Variants in ELF4 observed in about 807,000 individuals in gnomAD.
ELF4 encodes the protein E74 like ETS transcription factor 4, also known as ETS-related transcription factor Elf-4.
In ELF4, 10 loss-of-function variants were observed where a neutral mutation model predicts 31.7. The ratio of observed to expected loss-of-function variants is 0.32; its 90% CI spans 0.19 to 0.54. The LOEUF (loss-of-function observed/expected upper bound fraction) is 0.54, where lower values mean the gene tolerates loss of function less well. Among genes scored for constraint, ELF4 ranks in the 20% least tolerant of loss-of-function variants. The pLI, the probability that ELF4 is intolerant of heterozygous loss-of-function variation, is 0.95. For synonymous variants in ELF4, 208 were observed against 226.7 expected, an observed-to-expected ratio of 0.92 and a Z score of 0.74; for missense variants, 418 against 522.0, an observed-to-expected ratio of 0.80 and a Z score of 1.94.
chrX:130,094,577 AAGAG>A (rs201215451), intron 1 of ELF4, among the ~76,000 whole-genome samples: 308 of 107,049 alleles, frequency 2.9e-3, no homozygotes, highest in South Asian at 0.011. Context: ...AAAAAAAAAA[AAGAG>A]AGAGAGAGAG....
chrX:130,101,558 C>G (rs1335562950), intron 1 of ELF4, among the ~76,000 whole-genome samples: 1 of 110,975 alleles, frequency 9.0e-6, no homozygotes, highest in Non-Finnish European at 1.9e-5. Flanking sequence ...TTTGGAAGGC[C>G]GAGGCGGGTG....
Position 130,074,106 on chromosome X carries a change from C to A in ELF4, c.283G>T (p.Ala95Ser). The change falls in exon 4 of 9, where the codon GCG (alanine) becomes TCG (serine). Residue 95 changes from alanine (A) to serine (S), a missense_variant. Coordinates refer to ENST00000308167, the MANE Select transcript of ELF4 (RefSeq NM_001421.4). Reference protein sequence around the residue: ...NEATSHTMSTAEVLLNMESPS... With the variant: ...NEATSHTMSTSEVLLNMESPS... ...GACTCCATATTGAGTAAGACTTCCG[C>A]GGTTGACATGGTGTGCGAGGTGGCC... The A allele has an allele frequency of 8.3e-7, 1 of 1,211,779 alleles. No individual in the cohort carries two copies. The highest frequency in any genetic ancestry group is 3.0e-5 in the East Asian group (1 of 33,851).
chrX:130,080,423 CAAAAAAAA>C (rs3077212), intron 2 of ELF4, among the ~76,000 whole-genome samples: 1 of 56,366 alleles, frequency 1.8e-5, no homozygotes, highest in Admixed American at 2.2e-4. Flanking sequence ...GACTTCGTTT[CAAAAAAAA>C]AAAAAAAAAA....
Position 130,069,453 on chromosome X carries a change from C to G in ELF4, c.1034G>C (p.Ser345Thr), listed in dbSNP as rs141440727. ...SSRSAPQGKG[S>T]SSWEKPKIQH... ...AATTTTTGGCTTCTCCCAAGAAGAG[C>G]TGCCCTTGCCCTGGGGGGCAGATCT... is the stretch of plus-strand genomic sequence containing the variant. The change falls in exon 8 of 9, where the codon AGC becomes ACC. Residue 345 changes from serine (S) to threonine (T), a missense_variant. This residue lies in a region of ELF4 where 260 missense variants were observed against 269.2 expected (regional missense o/e 0.97). Transcript: ENST00000308167. The G allele has an allele frequency of 7.3e-5, 88 of 1,211,106 alleles. No homozygotes were observed. The highest frequency in any genetic ancestry group is 9.4e-5 in the Non-Finnish European group (84 of 895,455).
chrX:130,105,854 C>CTGTGTGTGTGTG (rs60216838), intron 1 of ELF4, among the ~76,000 whole-genome samples: 4 of 86,493 alleles, frequency 4.6e-5, no homozygotes, highest in East Asian at 7.8e-4. Context: ...CCCCAGGGGC[C>CTGTGTGTGTGTG]TGTGTGTGTG....
chrX:130,072,504 G>A, intron 4 of ELF4, 87 bp from the exon 5 acceptor site: 1 of 963,504 alleles, frequency 1.0e-6, no homozygotes, highest in Non-Finnish European at 1.5e-6. Context: ...TAGGTTCCAA[G>A]GGAGGGCGGG....
intron 8 of ELF4, among the ~76,000 whole-genome samples, chrX:130,067,979 A>ATT (rs1932727424): frequency 9.0e-6 from 1 of 110,770 alleles, no homozygotes; most frequent in South Asian, 3.8e-4. Flanking sequence ...CACCCGGCTA[A>ATT]TTTTGTATTT....
At chrX:130,096,376 G>C (rs1419608445) in intron 1 of ELF4, among the ~76,000 whole-genome samples, 1 of 110,354 alleles carries the variant, frequency 9.1e-6, no homozygotes, top group Non-Finnish European at 1.9e-5. Flanking sequence ...TAGAGATGGG[G>C]TTTCACTATG....
intron 1 of ELF4, among the ~76,000 whole-genome samples, chrX:130,089,509 CAAAAAAAAAA>C (rs777456574): frequency 5.1e-5 from 1 of 19,456 alleles, no homozygotes; most frequent in African/African-American, 2.9e-4. Context: ...GACCTCAGCT[CAAAAAAAAAA>C]AAAAAAAAAA....
At chrX:130,078,762 TA>T (rs1932858484) in intron 2 of ELF4, among the ~76,000 whole-genome samples, 2 of 84,886 alleles carry the variant, frequency 2.4e-5, no homozygotes, top group East Asian at 3.8e-4. Context: ...TCTCTCTCTC[TA>T]CACACACACA....
chrX:130,083,873 T>C (rs1932923685), intron 1 of ELF4, among the ~76,000 whole-genome samples: 1 of 110,106 alleles, frequency 9.1e-6, no homozygotes, highest in South Asian at 3.8e-4. Flanking sequence ...GATGGATGGA[T>C]AGATTGGTGG....
At position 130,064,163 on chromosome X, in the gene ELF4, C is replaced by T. The variant is rs184748218; in HGVS notation, c.*2558G>A. On this transcript the variant is annotated 3_prime_UTR_variant, in exon 9 of 9. Transcript: ENST00000308167. The stretch of plus-strand genomic sequence containing the variant: ...ATTTAAAAATCCATTGTTGGCCAGC[C>T]GTGGTTGCTCACGCCTGTAATCCCA... Among the ~76,000 whole-genome samples, 5 of 110,768 alleles carry T rather than the reference C, an allele frequency of 4.5e-5. No homozygotes were observed. Among genetic ancestry groups the T allele is most frequent in the African/African-American group, 1.6e-4 (5 of 30,436 alleles).
At chrX:130,072,714 G>A (rs988062316) in intron 4 of ELF4, among the ~76,000 whole-genome samples, 1 of 112,104 alleles carries the variant, frequency 8.9e-6, no homozygotes, top group African/African-American at 3.2e-5. Context: ...TTAGTCCTTG[G>A]CTCATTTTAC....
intron 1 of ELF4, among the ~76,000 whole-genome samples, chrX:130,081,890 G>A (rs937823257): frequency 1.5e-4 from 17 of 111,663 alleles, no homozygotes; most frequent in African/African-American, 5.2e-4. Flanking sequence ...GGAACTTTGC[G>A]CTCTCTCCAC....
intron 2 of ELF4, among the ~76,000 whole-genome samples, chrX:130,076,142 G>A (rs1932832347): frequency 9.0e-6 from 1 of 111,726 alleles, no homozygotes; most frequent in Non-Finnish European, 1.9e-5. Flanking sequence ...ATTGAGATGA[G>A]AATTCAACCC....
chrX:130,084,356 G>T (rs1375246711), intron 1 of ELF4, among the ~76,000 whole-genome samples: 1 of 112,602 alleles, frequency 8.9e-6, no homozygotes, highest in African/African-American at 3.2e-5. Flanking sequence ...GGGTCCCGGG[G>T]ATGAGACCCC....
intron 1 of ELF4, among the ~76,000 whole-genome samples, chrX:130,086,114 T>G (rs775773791): frequency 8.9e-6 from 1 of 112,279 alleles, no homozygotes; most frequent in Admixed American, 9.4e-5. Flanking sequence ...AAATGCCCAG[T>G]GAAGGGGCCC....
chrX:130,078,824 G>A (rs759326018), intron 2 of ELF4, among the ~76,000 whole-genome samples: 18 of 106,672 alleles, frequency 1.7e-4, no homozygotes, highest in Admixed American at 5.0e-4. Flanking sequence ...CAGGCGCAGT[G>A]GCATGTGCCT....
intron 4 of ELF4, among the ~76,000 whole-genome samples, 186 bp from the exon 5 acceptor site, chrX:130,072,603 T>C (rs1932798700): frequency 8.9e-6 from 1 of 112,358 alleles, no homozygotes; most frequent in East Asian, 2.8e-4. Flanking sequence ...TCTGCAGAGC[T>C]GTGGGCACAA....
Sources: gnomAD v4.1 joint callset for allele counts (sites outside exome capture counted in the v4.1 genomes callset) on GRCh38, gnomAD v4.1.1 for gene constraint, gnomAD v4.1.1 regional missense constraint, MANE v1.5 for transcripts, NCBI Gene and HGNC (gene_info 2026-07-23, HGNC 2026-07-21) for gene names.